Variants in NDOR1 observed in about 807,000 individuals in gnomAD.
NDOR1 encodes the protein NADPH dependent diflavin oxidoreductase 1, also known as NADPH-dependent diflavin oxidoreductase 1.
Under a neutral mutation model 67.2 loss-of-function variants are expected in NDOR1, and 61 were observed. The observed-to-expected ratio is 0.91, with a 90% CI of 0.74 to 1.12. NDOR1 has a LOEUF of 1.12. Among genes scored for constraint, NDOR1 ranks in the 50% most tolerant of loss-of-function variants. The pLI is 0.00. For synonymous variants in NDOR1, 378 were observed against 343.7 expected (o/e 1.10, Z -1.10); for missense variants, 878 against 802.8 (o/e 1.09, Z -1.13).
Position 137,216,392 on chromosome 9 carries a change from C to T in NDOR1, c.1770C>T (p.Arg590=), listed in dbSNP as rs1232299528. The T allele has an allele frequency of 1.2e-6, 2 of 1,605,700 alleles. No individual in the cohort carries two copies. The highest frequency in any genetic ancestry group is 4.5e-5 in the East Asian group (2 of 44,886). The change falls in exon 14 of 14, where the codon CGC becomes CGT. Residue 590 remains arginine, a synonymous_variant. Coordinates refer to ENST00000684003, the MANE Select transcript of NDOR1 (RefSeq NM_014434.4). ...AYLARLQQTR[R]FQTETWA ...TAGCCAGGCTCCAGCAGACACGGCG[C>T]TTCCAGACAGAGACGTGGGCCTGAG... is the stretch of plus-strand genomic sequence containing the variant.
chr9:137,219,308 T>C lies in NDOR1; in HGVS notation c.*2892T>C, dbSNP rs927741107. The C allele has an allele frequency of 6.6e-6, 1 of 151,760 alleles. No individual in the cohort carries two copies. Among genetic ancestry groups the C allele is most frequent in the Admixed American group, 6.6e-5 (1 of 15,224 alleles). The allele number at this position is 151,760 out of a possible 1,614,324, so 9.4% of individuals were successfully genotyped here. A position where few individuals can be genotyped will look rare whatever the true frequency, so the allele number is the denominator to read the frequency against. The stretch of plus-strand genomic sequence containing the variant: ...AGACATCAGGTGGCCCAGCGAGAGA[T>C]GGAGGACTGATCCTGGAACGTGAAG... On this transcript the variant is annotated 3_prime_UTR_variant, in exon 14 of 14. Transcript: ENST00000684003.
chr9:137,213,377 G>A (rs1835355991), intron 3 of NDOR1, among the ~76,000 whole-genome samples: 1 of 152,178 alleles, frequency 6.6e-6, no homozygotes, highest in African/African-American at 2.4e-5. Flanking sequence ...CTGACCCCCG[G>A]GAAGATGCCT....
chr9:137,212,363 C>G lies in NDOR1; in HGVS notation c.214-139C>G. 1.4e-6 allele frequency: 1 copy of G among 721,358 alleles called. No individual in the cohort carries two copies. Among genetic ancestry groups the G allele is most frequent in the Non-Finnish European group, 2.4e-6 (1 of 418,682 alleles). 44.7% of individuals were successfully genotyped at this position (721,358 alleles called of 1,614,324 possible). ...CCTGCAGGCTGGACCTGGGCCCTGC[C>G]TTTTGGTCAGATAGGTCCAGTTGTA... On this transcript the variant is annotated intron_variant, in intron 2 of 13. Transcript: ENST00000684003. This position sits in a 1 kb window ranked among gnomAD's most constrained non-coding sequence, Gnocchi z 4.3.
At chr9:137,211,334 G>T (rs918225584) in intron 2 of NDOR1, among the ~76,000 whole-genome samples, 2 of 152,160 alleles carry the variant, frequency 1.3e-5, no homozygotes, top group Admixed American at 1.3e-4. Flanking sequence ...CCCAGGAAGG[G>T]CCCTGCTGAG....
chr9:137,212,546 CCT>C lies in NDOR1; in HGVS notation c.261_262del (p.Cys88SerfsTer44). 1.2e-6 allele frequency: 2 copies of C among 1,614,104 alleles called. No individual in the cohort carries two copies. Among genetic ancestry groups the C allele is most frequent in the Non-Finnish European group, 1.7e-6 (2 of 1,179,980 alleles). On this transcript the variant is annotated frameshift_variant, in exon 3 of 14. Transcript: ENST00000684003. LOFTEE classifies it high-confidence loss of function. This position sits in a 1 kb window ranked among gnomAD's most constrained non-coding sequence, Gnocchi z 4.3. ...IFRKNLPSTA[L>X]CQMDFAVLGL... ...TCCGGAAGAACCTGCCCTCCACTGC[CCT>C]CTGTCAGATGGACTTTGCCGTCCTG...
chr9:137,206,103 G>T (rs1259017609), intron 1 of NDOR1, 129 bp from the exon 2 acceptor site: 71 of 1,448,302 alleles, frequency 4.9e-5, no homozygotes, highest in Non-Finnish European at 6.7e-5. Flanking sequence ...TGAAAGAGAA[G>T]ACGGTCTGGC....
In NDOR1 at chr9:137,219,092, A is replaced by T. The variant is rs1403800954; in HGVS notation, c.*2676A>T. ...AGATAAGGGCCAGTGTGTGTCCCTG[A>T]AGGTCAGGCCAGCCGGGGGAGGGGT... On this transcript the variant is annotated 3_prime_UTR_variant, in exon 14 of 14. Transcript: ENST00000684003. 6.5e-6 allele frequency: 1 copy of T among 154,666 alleles called. No individual in the cohort carries two copies. Among genetic ancestry groups the T allele is most frequent in the East Asian group, 1.9e-4 (1 of 5,278 alleles). The allele number at this position is 154,666 out of a possible 1,614,324, so 9.6% of individuals were successfully genotyped here. A position where few individuals can be genotyped will look rare whatever the true frequency, so the allele number is the denominator to read the frequency against.
In NDOR1 at chr9:137,215,695, G is replaced by A. The variant is rs1212244367; in HGVS notation, c.1325G>A (p.Ser442Asn). ...VRVPLWVRPGSLAFPETPDTP... is the reference protein window; with the variant it reads ...VRVPLWVRPGNLAFPETPDTP... The stretch of plus-strand genomic sequence containing the variant: ...GTGCCCCTCTGGGTGCGGCCTGGGA[G>A]TCTGGCCTTCCCAGAGACACCAGAC... The change falls in exon 11 of 14, where the codon AGT (serine) becomes AAT (asparagine). Residue 442 changes from serine (S) to asparagine (N), a missense_variant. Transcript: ENST00000684003. The A allele has an allele frequency of 6.3e-7, 1 of 1,590,164 alleles. No individual in the cohort carries two copies.
In NDOR1 at chr9:137,205,717, C is replaced by G. The variant is rs767630229; in HGVS notation, c.-61C>G. ...CGGAAGGCGGAGCGGTCCCTGCAACCCGGCCGGCGGGAACTGCCTTCTAGT... is the reference window on the plus strand; with the variant it reads ...CGGAAGGCGGAGCGGTCCCTGCAACGCGGCCGGCGGGAACTGCCTTCTAGT... On this transcript the variant is annotated 5_prime_UTR_variant, in exon 1 of 14. Transcript: ENST00000684003. The G allele has an allele frequency of 2.5e-6, 4 of 1,596,148 alleles. No homozygotes were observed. Among genetic ancestry groups the G allele is most frequent in the African/African-American group, 1.3e-5 (1 of 74,676 alleles).
Position 137,214,823 on chromosome 9 carries a change from C to T in NDOR1, c.870C>T (p.Pro290=), listed in dbSNP as rs368915747. The change falls in exon 8 of 14, where the codon CCC becomes CCT. Residue 290 remains proline (P), a synonymous_variant. Coordinates refer to ENST00000684003, the MANE Select transcript of NDOR1 (RefSeq NM_014434.4). ...EPDVSSPTRL[P]QPCSMRHLVS... is the part of the protein sequence containing the mutation. ...ATGTCTCCTCCCCCACGAGGCTGCC[C>T]CAGCCCTGCTCCATGCGGCACCTCG... 9 of 1,606,934 alleles carry T rather than the reference C, an allele frequency of 5.6e-6. 1 individual carries two copies. The South Asian group carries it at 6.6e-5, about 12-fold the overall frequency.
chr9:137,213,235 C>T (rs941964737), intron 3 of NDOR1, among the ~76,000 whole-genome samples: 1 of 152,222 alleles, frequency 6.6e-6, no homozygotes, highest in African/African-American at 2.4e-5. Context: ...GACGTTGTTT[C>T]CTGCGTGACG....
chr9:137,212,522 C>G lies in NDOR1; in HGVS notation c.234C>G (p.Phe78Leu). ...DNMKNFWRFI[F>L]RKNLPSTALC... ...TGTAGAACTTCTGGAGGTTTATATT[C>G]CGGAAGAACCTGCCCTCCACTGCCC... Residue 78 changes from phenylalanine to leucine, a missense_variant, in exon 3 of 14, where the codon TTC becomes TTG. Transcript: ENST00000684003. This position sits in a 1 kb window ranked among gnomAD's most constrained non-coding sequence, Gnocchi z 4.3. The G allele has an allele frequency of 1.2e-6, 2 of 1,614,088 alleles. No homozygotes were observed. Among genetic ancestry groups the G allele is most frequent in the African/African-American group, 2.7e-5 (2 of 75,030 alleles).
rs753320040 is a variant in NDOR1 at position 137,216,083 on chromosome 9, C to T, written c.1555-11C>T. 2 of 1,613,448 alleles carry T rather than the reference C, an allele frequency of 1.2e-6. No individual in the cohort carries two copies. The highest frequency in any genetic ancestry group is 1.1e-5 in the South Asian group (1 of 91,084). ...CCGGCTCAGCCCCCAGCCCTGTTCTCTGCCCTACAGGAGCAGAAAGTATAT... is the reference window on the plus strand; with the variant it reads ...CCGGCTCAGCCCCCAGCCCTGTTCTTTGCCCTACAGGAGCAGAAAGTATAT... On this transcript the variant is annotated splice_polypyrimidine_tract_variant and intron_variant, in intron 12 of 13. Coordinates refer to ENST00000684003, the MANE Select transcript of NDOR1 (RefSeq NM_014434.4).
At position 137,217,691 on chromosome 9, in the gene NDOR1, C is replaced by T. The variant is rs1280755692; in HGVS notation, c.*1275C>T. On this transcript the variant is annotated 3_prime_UTR_variant, in exon 14 of 14. Coordinates refer to ENST00000684003, the MANE Select transcript of NDOR1 (RefSeq NM_014434.4). ...CAGTGAGGAGAGCCAGCCGGGAGGT[C>T]AGTGCCAGAGCTCTGGTGGAGCCCA... 4.1e-5 allele frequency: 13 copies of T among 316,702 alleles called. No homozygotes were observed. Among genetic ancestry groups the T allele is most frequent in the Non-Finnish European group, 7.5e-5 (13 of 174,046 alleles). The allele number at this position is 316,702 out of a possible 1,614,324, so 19.6% of individuals were successfully genotyped here. A position where few individuals can be genotyped will look rare whatever the true frequency, so the allele number is the denominator to read the frequency against.
chr9:137,214,045 C>T lies in NDOR1; in HGVS notation c.489C>T (p.Leu163=). The T allele has an allele frequency of 6.5e-7, 1 of 1,543,922 alleles. No individual in the cohort carries two copies. The highest frequency in any genetic ancestry group is 8.7e-7 in the Non-Finnish European group (1 of 1,147,778). The change falls in exon 5 of 14, where the codon CTC becomes CTT. Residue 163 remains leucine, a synonymous_variant. Coordinates refer to ENST00000684003, the MANE Select transcript of NDOR1 (RefSeq NM_014434.4). ...GGCTGTACCCGCCGCCTCCGGGCCT[C>T]ACTGAGATCCCTCCCGGAGTCCCGT... is the stretch of plus-strand genomic sequence containing the variant. ...VLGLYPPPPG[L]TEIPPGVPLP...
At chr9:137,206,563 G>A (rs748075115) in intron 2 of NDOR1, among the ~76,000 whole-genome samples, 1 of 152,196 alleles carries the variant, frequency 6.6e-6, no homozygotes, top group Non-Finnish European at 1.5e-5. Flanking sequence ...TGTGCATCTA[G>A]TCTGGGTCTT....
chr9:137,209,040 C>T (rs1157484843), intron 2 of NDOR1, among the ~76,000 whole-genome samples: 1 of 152,060 alleles, frequency 6.6e-6, no homozygotes, highest in Admixed American at 6.5e-5. Context: ...CCACCACGCC[C>T]AGCTAATTTT....
Position 137,217,109 on chromosome 9 carries a change from G to A in NDOR1, c.*693G>A, listed in dbSNP as rs1835650349. The A allele has an allele frequency of 1.6e-5, 3 of 186,110 alleles. No homozygotes were observed. Among genetic ancestry groups the A allele is most frequent in the Non-Finnish European group, 3.3e-5 (3 of 91,232 alleles). The allele number at this position is 186,110 out of a possible 1,614,324, so 11.5% of individuals were successfully genotyped here. A position where few individuals can be genotyped will look rare whatever the true frequency, so the allele number is the denominator to read the frequency against. ...TCCTCTAGCTCCTCCCGGTGCCCTG[G>A]GTGCTGGGTGCTGGATGGGTGGGCG... On this transcript the variant is annotated 3_prime_UTR_variant, in exon 14 of 14. Coordinates refer to ENST00000684003, the MANE Select transcript of NDOR1 (RefSeq NM_014434.4).
chr9:137,214,112 C>G, intron 5 of NDOR1, 44 bp downstream of exon 5: 2 of 1,530,238 alleles, frequency 1.3e-6, no homozygotes, highest in African/African-American at 1.4e-5. Flanking sequence ...GCAGACCCAA[C>G]CTGGCCTGGG....
Sources: gnomAD v4.1 joint callset for allele counts (sites outside exome capture counted in the v4.1 genomes callset) on GRCh38, gnomAD v4.1.1 for gene constraint, Gnocchi (gnomAD v3.1) non-coding constraint, MANE v1.5 for transcripts, NCBI Gene and HGNC (gene_info 2026-07-23, HGNC 2026-07-21) for gene names.